XKR4: variants seen among roughly 807,000 people sequenced by gnomAD.
The protein encoded by XKR4 is XK-related protein 4.
Under a neutral mutation model 53.9 loss-of-function variants are expected in XKR4, and 12 were observed. The ratio of observed to expected loss-of-function variants is 0.22; its 90% CI spans 0.14 to 0.36. The LOEUF (loss-of-function observed/expected upper bound fraction) is 0.36. XKR4 is among the 10% of genes least tolerant of loss of function. The probability of loss-of-function intolerance (pLI) is 1.00; values close to 1 mark genes in which losing one functional copy is unlikely to be tolerated. For synonymous variants in XKR4, 354 were observed against 362.4 expected (o/e 0.98, Z 0.26); for missense variants, 799 against 859.5 (o/e 0.93, Z 0.88).
intron 1 of XKR4, among the ~76,000 whole-genome samples, chr8:55,230,657 C>T (rs578042390): frequency 1.3e-5 from 2 of 152,184 alleles, no homozygotes; most frequent in African/African-American, 4.8e-5. Flanking sequence ...CATGAGCCAC[C>T]GTGCCCAGCT....
At chr8:55,237,583 A>G (rs1046083771) in intron 1 of XKR4, among the ~76,000 whole-genome samples, 1 of 152,110 alleles carries the variant, frequency 6.6e-6, no homozygotes, top group Non-Finnish European at 1.5e-5. Flanking sequence ...ATATAAATTG[A>G]CCCATGCAGT....
In XKR4 at chr8:55,360,235, C is replaced by T. The variant is rs532873095; in HGVS notation, c.1006+2358C>T. ...AGTGAAAATATCTGACAGTAAAAAA[C>T]GACAGACCCTCCAGCCAACGAAGAC... On this transcript the variant is annotated intron_variant, in intron 2 of 2. Transcript: ENST00000327381. Among the ~76,000 whole-genome samples the T allele has an allele frequency of 2.6e-5, 4 of 152,264 alleles. No homozygotes were observed. The South Asian group carries it at 8.3e-4, about 32-fold the overall frequency.
chr8:55,481,957 T>A (rs12679224), intron 2 of XKR4, among the ~76,000 whole-genome samples: 114,886 of 152,062 alleles, frequency 0.76, 44,030 homozygotes, highest in African/African-American at 0.88. Flanking sequence ...GGGACTGTAA[T>A]CTAGTTCAAC....
intron 1 of XKR4, among the ~76,000 whole-genome samples, chr8:55,274,443 T>C (rs1456479153): frequency 6.6e-6 from 1 of 152,012 alleles, no homozygotes; most frequent in Non-Finnish European, 1.5e-5. Flanking sequence ...TCCCTTTTTT[T>C]TTTTTTTGAG....
At chr8:55,156,655 T>G (rs1816911973) in intron 1 of XKR4, among the ~76,000 whole-genome samples, 2 of 151,932 alleles carry the variant, frequency 1.3e-5, no homozygotes, top group Admixed American at 6.6e-5. Flanking sequence ...TGTGGGCTTG[T>G]TTTTTTTCCC....
chr8:55,416,855 A>C (rs1292079263), intron 2 of XKR4, among the ~76,000 whole-genome samples: 1 of 152,268 alleles, frequency 6.6e-6, no homozygotes, highest in East Asian at 1.9e-4. Context: ...ACAATGATCT[A>C]GTTTCTATGA....
intron 1 of XKR4, among the ~76,000 whole-genome samples, chr8:55,134,808 AT>A (rs1336094721): frequency 6.6e-6 from 1 of 152,250 alleles, no homozygotes; most frequent in African/African-American, 2.4e-5. Context: ...AAATGCACAC[AT>A]ATACTGAGTG....
At chr8:55,201,607 G>T (rs747885449) in intron 1 of XKR4, among the ~76,000 whole-genome samples, 1 of 152,200 alleles carries the variant, frequency 6.6e-6, no homozygotes, top group South Asian at 2.1e-4. Flanking sequence ...TAGAATGCTT[G>T]CTATTTCTAT....
chr8:55,436,179 T>C (rs1161924661), intron 2 of XKR4, among the ~76,000 whole-genome samples: 8 of 152,200 alleles, frequency 5.3e-5, no homozygotes, highest in Admixed American at 1.3e-4. Context: ...ATGAGGAACA[T>C]TTTTCTTATT....
chr8:55,488,563 A>C (rs902929984), intron 2 of XKR4, among the ~76,000 whole-genome samples: 1 of 152,222 alleles, frequency 6.6e-6, no homozygotes, highest in Admixed American at 6.5e-5. Flanking sequence ...GTATTGTACT[A>C]AGTGACAGAA....
At chr8:55,430,558 G>A (rs1019551900) in intron 2 of XKR4, among the ~76,000 whole-genome samples, 2 of 152,152 alleles carry the variant, frequency 1.3e-5, no homozygotes, top group African/African-American at 4.8e-5. Flanking sequence ...AACGGTGATG[G>A]AAATATTCTG....
At chr8:55,444,480 G>A (rs1185721996) in intron 2 of XKR4, among the ~76,000 whole-genome samples, 2 of 152,150 alleles carry the variant, frequency 1.3e-5, no homozygotes, top group African/African-American at 4.8e-5. Flanking sequence ...ATTGGCAAAG[G>A]ATTAGTATCC....
chr8:55,450,683 G>T, intron 2 of XKR4: 1 of 589,148 alleles, frequency 1.7e-6, no homozygotes, highest in South Asian at 1.6e-5. Context: ...TGTCCAGCCA[G>T]AATGTGGGCT....
chr8:55,481,784 C>T (rs1806111880), intron 2 of XKR4, among the ~76,000 whole-genome samples: 1 of 151,870 alleles, frequency 6.6e-6, no homozygotes, highest in African/African-American at 2.4e-5. Flanking sequence ...AGCCAAAAGA[C>T]ACATGAAAAA....
chr8:55,450,574 G>C (rs894842569), intron 2 of XKR4: 2 of 724,616 alleles, frequency 2.8e-6, no homozygotes, highest in East Asian at 3.0e-5. Flanking sequence ...CGAGGAACTT[G>C]AGATAGAACT....
intron 2 of XKR4, among the ~76,000 whole-genome samples, chr8:55,365,142 AC>A (rs1346074200): frequency 6.6e-6 from 1 of 152,108 alleles, no homozygotes; most frequent in Non-Finnish European, 1.5e-5. Context: ...CAGCCTCAGG[AC>A]CCCTGGGAGG....
intron 1 of XKR4, among the ~76,000 whole-genome samples, chr8:55,156,110 G>A (rs546639842): frequency 4.6e-5 from 7 of 152,166 alleles, no homozygotes; most frequent in Admixed American, 2.0e-4. Flanking sequence ...GCCTTTAGGA[G>A]GAGATAGTGT....
intron 2 of XKR4, among the ~76,000 whole-genome samples, chr8:55,490,793 G>A (rs550323736): frequency 5.6e-5 from 7 of 125,162 alleles, no homozygotes; most frequent in African/African-American, 2.2e-4. Flanking sequence ...GTACTTTGGA[G>A]TATGTATAGT....
At chr8:55,463,734 C>T (rs574589794) in intron 2 of XKR4, among the ~76,000 whole-genome samples, 1 of 151,930 alleles carries the variant, frequency 6.6e-6, no homozygotes, top group African/African-American at 2.4e-5. Flanking sequence ...GCTAGCAAGA[C>T]TAATAAAGAA....
Sources: allele counts gnomAD v4.1 joint callset (sites outside exome capture counted in the v4.1 genomes callset), GRCh38; gene constraint gnomAD v4.1.1; transcripts MANE v1.5; gene names NCBI Gene and HGNC (gene_info 2026-07-23, HGNC 2026-07-21).